SMYD3: variants seen among roughly 807,000 people sequenced by gnomAD.
SMYD3 encodes histone-lysine N-methyltransferase SMYD3.
A neutral mutation model predicts 57.7 loss-of-function variants in SMYD3; 36 were observed. The observed-to-expected ratio is 0.62, with a 90% CI of 0.48 to 0.82. The LOEUF (loss-of-function observed/expected upper bound fraction) is 0.82. Ranked by LOEUF, SMYD3 falls within the 40% of genes least tolerant of loss-of-function variation. The pLI is 0.00. For synonymous variants in SMYD3, 211 were observed against 195.0 expected (o/e 1.08, Z -0.68); for missense variants, 515 against 538.8 (o/e 0.96, Z 0.44).
intron 1 of SMYD3, among the ~76,000 whole-genome samples, chr1:246,401,880 G>A (rs7556042): frequency 0.33 from 49,354 of 151,490 alleles, 8,381 homozygotes; most frequent in Non-Finnish European, 0.36. Context: ...GTGCCACCAC[G>A]CCCGGCTAAT....
intron 5 of SMYD3, among the ~76,000 whole-genome samples, chr1:246,198,543 G>A (rs2062860532): frequency 6.6e-6 from 1 of 152,168 alleles, no homozygotes; most frequent in African/African-American, 2.4e-5. Flanking sequence ...AAGTCTACAT[G>A]TTAAAAGATT....
intron 7 of SMYD3, among the ~76,000 whole-genome samples, chr1:245,918,840 T>C (rs1362819537): frequency 6.6e-6 from 1 of 152,176 alleles, no homozygotes. Context: ...TCAACTCCCA[T>C]TATCAGAGCA....
At chr1:245,888,685 G>A (rs760331846) in intron 8 of SMYD3, among the ~76,000 whole-genome samples, 8 of 152,252 alleles carry the variant, frequency 5.3e-5, no homozygotes, top group South Asian at 2.1e-4. Flanking sequence ...TGTGATATTC[G>A]ATGGATCTAA....
chr1:245,780,336 G>C (rs1047444483), intron 10 of SMYD3, among the ~76,000 whole-genome samples: 2 of 152,106 alleles, frequency 1.3e-5, no homozygotes, highest in African/African-American at 4.8e-5. Flanking sequence ...ATATTATTCA[G>C]CCATGAAAAG....
At chr1:246,319,313 C>A (rs1243295762) in intron 5 of SMYD3, among the ~76,000 whole-genome samples, 6 of 152,180 alleles carry the variant, frequency 3.9e-5, no homozygotes, top group Admixed American at 1.3e-4. Context: ...TGGCATGTAG[C>A]AGTCACCACC....
chr1:245,849,313 G>T (rs773020330), intron 10 of SMYD3, among the ~76,000 whole-genome samples: 1 of 152,210 alleles, frequency 6.6e-6, no homozygotes, highest in Non-Finnish European at 1.5e-5. Flanking sequence ...TGGATTATCA[G>T]AAAGAGCAGG....
chr1:245,958,232 G>A (rs530193360), intron 5 of SMYD3, among the ~76,000 whole-genome samples: 22 of 152,198 alleles, frequency 1.4e-4, no homozygotes, highest in African/African-American at 4.8e-4. Context: ...TCCAAAGCAG[G>A]ACAAGTTAAA....
chr1:245,839,085 T>C (rs374101686), intron 10 of SMYD3, among the ~76,000 whole-genome samples: 4 of 152,348 alleles, frequency 2.6e-5, no homozygotes, highest in African/African-American at 9.6e-5. Context: ...TTGACCTCTG[T>C]CTCTGCCCTC....
chr1:246,374,831 G>T (rs1311222169), intron 1 of SMYD3, among the ~76,000 whole-genome samples: 9 of 148,164 alleles, frequency 6.1e-5, no homozygotes. Context: ...CGTGGCTCAC[G>T]TCTGTTATCC....
intron 8 of SMYD3, among the ~76,000 whole-genome samples, chr1:245,885,990 G>A (rs2148565824): frequency 6.6e-6 from 1 of 152,286 alleles, no homozygotes; most frequent in South Asian, 2.1e-4. Context: ...TTTTATTTCA[G>A]TTGTAGAAAA....
chr1:246,300,477 G>A (rs969842387), intron 5 of SMYD3, among the ~76,000 whole-genome samples: 4 of 152,084 alleles, frequency 2.6e-5, no homozygotes, highest in East Asian at 1.9e-4. Flanking sequence ...TGAGGAAAGC[G>A]GCCAGCAATG....
chr1:246,227,890 A>C (rs12094187), intron 5 of SMYD3, among the ~76,000 whole-genome samples: 40,398 of 151,644 alleles, frequency 0.27, 6,092 homozygotes, highest in East Asian at 0.58. Context: ...TTTTCATAAA[A>C]TAGATTTGGC....
At chr1:246,195,025 G>C (rs1242054805) in intron 5 of SMYD3, among the ~76,000 whole-genome samples, 1 of 152,204 alleles carries the variant, frequency 6.6e-6, no homozygotes, top group Non-Finnish European at 1.5e-5. Context: ...GAGAGCTCCA[G>C]TCTTTTACAA....
intron 5 of SMYD3, among the ~76,000 whole-genome samples, chr1:246,184,357 G>A (rs1010957071): frequency 6.6e-6 from 1 of 152,118 alleles, no homozygotes; most frequent in African/African-American, 2.4e-5. Context: ...AAATAGGAAT[G>A]GGTCAGTATA....
chr1:245,762,809 GC>G (rs1480340864), intron 11 of SMYD3, among the ~76,000 whole-genome samples: 2 of 152,186 alleles, frequency 1.3e-5, no homozygotes, highest in African/African-American at 2.4e-5. Context: ...GGATCAGCCG[GC>G]CCCTGGACAC....
At chr1:246,295,500 CAAG>C (rs1246682625) in intron 5 of SMYD3, among the ~76,000 whole-genome samples, 1 of 152,106 alleles carries the variant, frequency 6.6e-6, no homozygotes, top group African/African-American at 2.4e-5. Flanking sequence ...TTTGATTTAA[CAAG>C]AAGATTCTAA....
intron 5 of SMYD3, among the ~76,000 whole-genome samples, chr1:246,153,133 G>A (rs557784692): frequency 3.2e-4 from 48 of 152,162 alleles, no homozygotes; most frequent in Non-Finnish European, 5.0e-4. Context: ...GCGTGTGTGC[G>A]TCTCCCTCAG....
At chr1:246,003,297 G>A (rs1474346242) in intron 5 of SMYD3, among the ~76,000 whole-genome samples, 2 of 152,200 alleles carry the variant, frequency 1.3e-5, no homozygotes, top group Non-Finnish European at 2.9e-5. Flanking sequence ...CCTCTGGCAG[G>A]GGCATCAGGT....
chr1:245,879,164 T>G (rs1473322826), intron 8 of SMYD3, among the ~76,000 whole-genome samples: 1 of 152,172 alleles, frequency 6.6e-6, no homozygotes, highest in Non-Finnish European at 1.5e-5. Flanking sequence ...TGACAGTCGC[T>G]TAGGTTCCCA....
Sources: allele counts gnomAD v4.1 joint callset (sites outside exome capture counted in the v4.1 genomes callset), GRCh38; gene constraint gnomAD v4.1.1; transcripts MANE v1.5; gene names NCBI Gene and HGNC (gene_info 2026-07-23, HGNC 2026-07-21).